The following SFXN5 variants were observed in gnomAD, a reference collection of about 807,000 sequenced individuals.
The protein encoded by SFXN5 is sideroflexin 5.
A neutral mutation model predicts 50.2 loss-of-function variants in SFXN5; 43 were observed. The observed-to-expected ratio is 0.86, with a 90% confidence interval of 0.67 to 1.11. The LOEUF (loss-of-function observed/expected upper bound fraction) is 1.11, where lower values mean the gene tolerates loss of function less well. Among genes scored for constraint, SFXN5 ranks in the 50% least tolerant of loss-of-function variants. The probability of loss-of-function intolerance (pLI) is 0.00; values close to 1 mark genes in which losing one functional copy is unlikely to be tolerated. For synonymous variants in SFXN5, 203 were observed against 185.8 expected (o/e 1.09, Z -0.75); for missense variants, 463 against 454.1 (o/e 1.02, Z -0.18).
At chr2:72,985,051 C>A (rs781162611) in intron 10 of SFXN5, among the ~76,000 whole-genome samples, 1 of 152,114 alleles carries the variant, frequency 6.6e-6, no homozygotes, top group Admixed American at 6.5e-5. Flanking sequence ...CTCTTCAGGA[C>A]CCCCATCACC....
chr2:72,978,976 C>A (rs565928109), intron 10 of SFXN5, among the ~76,000 whole-genome samples: 14 of 152,142 alleles, frequency 9.2e-5, no homozygotes, highest in Non-Finnish European at 1.8e-4. Context: ...CCTAAATGTC[C>A]CCAATTAATC....
rs372040778 is a variant in SFXN5, at chr2:73,043,857, T to C, written c.172-2926A>G. On this transcript the variant is annotated intron_variant, in intron 2 of 13. Coordinates refer to ENST00000272433, the MANE Select transcript of SFXN5 (RefSeq NM_144579.3). ...ATTTTCCTTCTAGACATAATACGCT[T>C]ATCTACAAAATTGGATTGTGTTGTT... is the stretch of plus-strand genomic sequence containing the variant. 1.4e-4 allele frequency among the ~76,000 whole-genome samples: 22 copies of C among 152,324 alleles called. No homozygotes were observed. The South Asian group carries it at 2.9e-3, about 20-fold the overall frequency.
intron 3 of SFXN5, among the ~76,000 whole-genome samples, chr2:73,034,815 A>G (rs1678757127): frequency 6.6e-6 from 1 of 152,196 alleles, no homozygotes. Context: ...TCCCTTGCTC[A>G]ATAGCTTTCA....
intron 10 of SFXN5, among the ~76,000 whole-genome samples, chr2:72,976,296 TA>T (rs200993462): frequency 7.6e-5 from 11 of 145,694 alleles, no homozygotes; most frequent in Non-Finnish European, 1.4e-4. Context: ...ACCCAAAAAG[TA>T]AAAAAAAAAA....
intron 3 of SFXN5, among the ~76,000 whole-genome samples, chr2:73,027,144 T>C (rs1347955044): frequency 6.6e-6 from 1 of 152,180 alleles, no homozygotes; most frequent in Admixed American, 6.5e-5. Flanking sequence ...ATACTTATCA[T>C]AGGAGATGAC....
rs527306066 is a variant in SFXN5, at chr2:72,996,287, C to T, written c.534+2662G>A. Among the ~76,000 whole-genome samples the T allele has an allele frequency of 2.6e-5, 4 of 152,190 alleles. No homozygotes were observed. In the East Asian group the frequency reaches 7.8e-4, roughly 30 times the overall value. On this transcript the variant is annotated intron_variant, in intron 9 of 13. Transcript: ENST00000272433. ...GGAGTCCCCAGCACAGGCACAGCCC[C>T]GCGTGAGGCCCCAGCCCCTGCCCAG...
chr2:73,059,009 C>T lies in SFXN5; in HGVS notation c.103-413G>A, dbSNP rs1049274758. ...TGAGTGACAAAGCATCCTGCCTACC[C>T]GCCACAGGGTCCCTCCCCAAGGTCC... On this transcript the variant is annotated intron_variant, in intron 1 of 13. Coordinates refer to ENST00000272433, the MANE Select transcript of SFXN5 (RefSeq NM_144579.3). 23 of 960,002 alleles carry T rather than the reference C, an allele frequency of 2.4e-5. No homozygotes were observed. The African/African-American group carries it at 3.0e-4, about 13-fold the overall frequency. The allele number at this position is 960,002 out of a possible 1,614,324, so 59.5% of individuals were successfully genotyped here.
At chr2:72,989,894 G>A (rs1347601820) in intron 9 of SFXN5, among the ~76,000 whole-genome samples, 1 of 152,196 alleles carries the variant, frequency 6.6e-6, no homozygotes, top group African/African-American at 2.4e-5. Flanking sequence ...CAGGACTCCT[G>A]GCCTGACGGG....
intron 1 of SFXN5, among the ~76,000 whole-genome samples, chr2:73,060,524 G>A (rs1471014118): frequency 6.6e-6 from 1 of 152,072 alleles, no homozygotes; most frequent in Non-Finnish European, 1.5e-5. Context: ...GAGACAACTA[G>A]ATGCACTGTG....
chr2:72,988,158 G>T, intron 10 of SFXN5, 100 bp downstream of exon 10: 1 of 1,067,120 alleles, frequency 9.4e-7, no homozygotes, highest in Admixed American at 2.6e-5. Context: ...GTGCCCCCTG[G>T]GCATCAGGAG....
chr2:73,041,990 G>A (rs998424151), intron 2 of SFXN5, among the ~76,000 whole-genome samples: 6 of 152,106 alleles, frequency 3.9e-5, no homozygotes, highest in Admixed American at 2.6e-4. Context: ...TGTGAGCCAC[G>A]GTGCCCGGCC....
At chr2:73,013,406 C>CGT (rs61590375) in intron 6 of SFXN5, among the ~76,000 whole-genome samples, 19,381 of 139,606 alleles carry the variant, frequency 0.14, 1,088 homozygotes, top group Admixed American at 0.18. Context: ...AGGGATATTT[C>CGT]GTGTGTGTGT....
rs1438144344 is a variant in SFXN5 at position 73,071,707 on chromosome 2, G to T, written c.-2C>A. On this transcript the variant is annotated 5_prime_UTR_variant, in exon 1 of 14. Coordinates refer to ENST00000272433, the MANE Select transcript of SFXN5 (RefSeq NM_144579.3). ...TGCTGTAGTCGCTGTATCCGCCATG[G>T]CCACTGACGCCCGCAATCTCCGGCC... The T allele has an allele frequency of 5.6e-6, 9 of 1,611,658 alleles. No homozygotes were observed. Among genetic ancestry groups the T allele is most frequent in the Non-Finnish European group, 7.6e-6 (9 of 1,179,500 alleles).
At chr2:72,968,855 T>A (rs1480840011) in intron 11 of SFXN5, among the ~76,000 whole-genome samples, 3 of 151,712 alleles carry the variant, frequency 2.0e-5, no homozygotes, top group African/African-American at 7.3e-5. Context: ...CAGGCTGGAG[T>A]GCAGTGGTGT....
intron 9 of SFXN5, among the ~76,000 whole-genome samples, chr2:72,990,165 G>T (rs1023475895): frequency 6.6e-6 from 1 of 152,272 alleles, no homozygotes; most frequent in African/African-American, 2.4e-5. Context: ...GCAGCATTCC[G>T]TGGAGCCAGA....
At chr2:72,951,824 T>C (rs931266894) in intron 13 of SFXN5, among the ~76,000 whole-genome samples, 1 of 152,124 alleles carries the variant, frequency 6.6e-6, no homozygotes, top group African/African-American at 2.4e-5. Context: ...GGTGGCGACA[T>C]TGACGCAGGG....
intron 3 of SFXN5, among the ~76,000 whole-genome samples, chr2:73,037,426 G>C (rs921211279): frequency 6.6e-6 from 1 of 152,176 alleles, no homozygotes; most frequent in African/African-American, 2.4e-5. Context: ...CTACGTGTCA[G>C]CCTATGATGG....
At chr2:73,023,064 C>T in intron 4 of SFXN5, 124 bp downstream of exon 4, 1 of 893,484 alleles carries the variant, frequency 1.1e-6, no homozygotes, top group Non-Finnish European at 1.7e-6. Context: ...GGTGAGGGGG[C>T]CAAGGGCAAA....
intron 6 of SFXN5, among the ~76,000 whole-genome samples, chr2:73,016,162 C>T (rs1559158395): frequency 6.6e-6 from 1 of 152,096 alleles, no homozygotes; most frequent in Non-Finnish European, 1.5e-5. Flanking sequence ...CTTGATCAAT[C>T]TTTCTAGAAA....
Sources: gnomAD v4.1 joint callset for allele counts (sites outside exome capture counted in the v4.1 genomes callset) on GRCh38, gnomAD v4.1.1 for gene constraint, MANE v1.5 for transcripts, NCBI Gene and HGNC (gene_info 2026-07-23, HGNC 2026-07-21) for gene names.